Variants in CELF2 observed in about 807,000 individuals in gnomAD.
CELF2 encodes the protein CUGBP Elav-like family member 2.
A neutral mutation model predicts 62.6 loss-of-function variants in CELF2; 8 were observed. That is an observed-to-expected ratio of 0.13 (90% CI 0.07 to 0.23). CELF2 has a LOEUF of 0.23. Among genes scored for constraint, CELF2 ranks in the 10% least tolerant of loss-of-function variants. The pLI, the probability that CELF2 is intolerant of heterozygous loss-of-function variation, is 1.00. For missense variants in CELF2, 333 were observed against 671.0 expected, an observed-to-expected ratio of 0.50 and a Z score of 5.56; for synonymous variants, 258 against 250.0, an observed-to-expected ratio of 1.03 and a Z score of -0.30.
intron 2 of CELF2, among the ~76,000 whole-genome samples, chr10:11,193,641 C>T (rs1195923845): frequency 6.6e-6 from 1 of 152,142 alleles, no homozygotes; most frequent in African/African-American, 2.4e-5. Context: ...TTAAACCCAC[C>T]TAGGGGCCGG....
chr10:11,197,224 G>C (rs1010849183), intron 2 of CELF2, among the ~76,000 whole-genome samples: 1 of 152,032 alleles, frequency 6.6e-6, no homozygotes, highest in African/African-American at 2.4e-5. Context: ...TCAGTGACTT[G>C]CTTCAGCTGG....
At chr10:10,666,861 C>CA in the CELF2 span, among the ~76,000 whole-genome samples, 1,795 of 24,076 alleles carry the variant, frequency 0.075, 126 homozygotes, top group Non-Finnish European at 0.1. Flanking sequence ...GACTCCGTCT[C>CA]AAAAAAAAAA....
chr10:11,002,809 A>AT (rs893375180), upstream of CELF2, among the ~76,000 whole-genome samples: 61 of 150,532 alleles, frequency 4.1e-4, 1 homozygote, highest in Admixed American at 1.7e-3. The surrounding 1 kb of genome is among the most constrained non-coding windows in gnomAD (Gnocchi z 4.4). Flanking sequence ...CGTCAAGGTT[A>AT]TTTTTTTTTT....
intron 1 of CELF2, among the ~76,000 whole-genome samples, chr10:11,029,176 T>C (rs188921133): frequency 1.3e-5 from 2 of 152,280 alleles, no homozygotes; most frequent in East Asian, 3.9e-4. Flanking sequence ...ATTTTTGCCT[T>C]ATGTGGTGGT....
intron 1 of CELF2, among the ~76,000 whole-genome samples, chr10:10,841,092 G>A (rs914258870): frequency 6.6e-6 from 1 of 152,140 alleles, no homozygotes; most frequent in Non-Finnish European, 1.5e-5. Context: ...GTCTGTCACT[G>A]ATGGGCATTT....
intron 1 of CELF2, among the ~76,000 whole-genome samples, chr10:10,822,812 A>G (rs939232726): frequency 6.6e-6 from 1 of 152,208 alleles, no homozygotes; most frequent in African/African-American, 2.4e-5. Context: ...AAATTGGATT[A>G]TTTACTTATT....
chr10:10,861,945 T>A (rs996169943), intron 1 of CELF2, among the ~76,000 whole-genome samples: 1 of 152,168 alleles, frequency 6.6e-6, no homozygotes, highest in Non-Finnish European at 1.5e-5. Flanking sequence ...GTCAACCTAT[T>A]TTCTTTTTTA....
the CELF2 span, among the ~76,000 whole-genome samples, chr10:10,631,669 C>A: frequency 6.6e-6 from 1 of 152,168 alleles, no homozygotes. Context: ...ATCCACTGGA[C>A]GTTTTCTTCT....
intron 1 of CELF2, among the ~76,000 whole-genome samples, chr10:11,095,454 G>A (rs1238117260): frequency 1.3e-5 from 2 of 152,212 alleles, no homozygotes; most frequent in Non-Finnish European, 2.9e-5. Flanking sequence ...CATTCGGCAT[G>A]TTTTCTGCAG....
At chr10:10,818,010 T>C (rs1264468915) in intron 1 of CELF2, among the ~76,000 whole-genome samples, 2 of 152,140 alleles carry the variant, frequency 1.3e-5, no homozygotes. Context: ...ACCTAGCACA[T>C]GGTACTCACC....
chr10:10,796,172 G>C (rs1431548400), upstream of CELF2, among the ~76,000 whole-genome samples: 1 of 152,186 alleles, frequency 6.6e-6, no homozygotes, highest in African/African-American at 2.4e-5. Flanking sequence ...TCAGTGCCCT[G>C]AGAGCTCAGA....
At chr10:10,585,503 T>C in the CELF2 span, among the ~76,000 whole-genome samples, 5 of 152,314 alleles carry the variant, frequency 3.3e-5, no homozygotes, top group East Asian at 9.6e-4. Flanking sequence ...TTTCAGCTGA[T>C]TGTGTTAGAA....
At chr10:10,779,859 A>T in the CELF2 span, among the ~76,000 whole-genome samples, 3 of 129,956 alleles carry the variant, frequency 2.3e-5, no homozygotes, top group Non-Finnish European at 4.7e-5. Flanking sequence ...GAAAGCTATT[A>T]AAAAAAAAAA....
At chr10:10,697,721 A>G in the CELF2 span, among the ~76,000 whole-genome samples, 1 of 152,016 alleles carries the variant, frequency 6.6e-6, no homozygotes, top group Non-Finnish European at 1.5e-5. Flanking sequence ...TGAGGGCCTC[A>G]CCCTCATGAC....
At chr10:10,540,449 G>A in the CELF2 span, among the ~76,000 whole-genome samples, 13 of 152,264 alleles carry the variant, frequency 8.5e-5, no homozygotes, top group South Asian at 2.1e-4. Flanking sequence ...GCTAGCCTAC[G>A]TTCCAGTAGA....
the CELF2 span, among the ~76,000 whole-genome samples, chr10:10,537,907 C>G: frequency 1.3e-5 from 2 of 152,152 alleles, no homozygotes; most frequent in African/African-American, 4.8e-5. Context: ...GGGCAGAAGA[C>G]TTGGGGGGTC....
the CELF2 span, among the ~76,000 whole-genome samples, chr10:10,574,589 C>T: frequency 6.6e-6 from 1 of 152,138 alleles, no homozygotes; most frequent in African/African-American, 2.4e-5. Context: ...AAAATAGTGA[C>T]AAACAGGAAA....
chr10:10,533,388 C>G, the CELF2 span, among the ~76,000 whole-genome samples: 8 of 152,162 alleles, frequency 5.3e-5, no homozygotes, highest in African/African-American at 1.9e-4. Flanking sequence ...AATTGTGATA[C>G]AAACTTTTAA....
chr10:10,837,110 G>C (rs2058348817), intron 1 of CELF2, among the ~76,000 whole-genome samples: 1 of 152,162 alleles, frequency 6.6e-6, no homozygotes, highest in Admixed American at 6.5e-5. Context: ...GATATGGTTT[G>C]GTTGTGTCCC....
Sources: allele counts gnomAD v4.1 joint callset (sites outside exome capture counted in the v4.1 genomes callset), GRCh38; gene constraint gnomAD v4.1.1; non-coding constraint Gnocchi (gnomAD v3.1); transcripts MANE v1.5; gene names NCBI Gene and HGNC (gene_info 2026-07-23, HGNC 2026-07-21).